The following SCN8A variants were observed in gnomAD, a reference collection of about 807,000 sequenced individuals.
The protein encoded by SCN8A is sodium channel protein type 8 subunit alpha.
In SCN8A, 30 loss-of-function variants were observed where a neutral mutation model predicts 184.1. That is an observed-to-expected ratio of 0.16 (90% CI 0.12 to 0.22). The LOEUF is 0.22. Among genes scored for constraint, SCN8A ranks in the 10% least tolerant of loss-of-function variants. The probability of loss-of-function intolerance (pLI) is 1.00; values close to 1 mark genes in which losing one functional copy is unlikely to be tolerated. For missense variants in SCN8A, 1,057 were observed against 2,498.9 expected (o/e 0.42, Z 12.30); for synonymous variants, 852 against 907.0 (o/e 0.94, Z 1.09).
intron 1 of SCN8A, among the ~76,000 whole-genome samples, chr12:51,612,225 G>A (rs974052625): frequency 1.3e-5 from 2 of 152,118 alleles, no homozygotes; most frequent in South Asian, 2.1e-4. Flanking sequence ...GTAGTGGCGC[G>A]AACGCAGCTC....
chr12:51,697,034 G>A (rs1324446093), intron 6 of SCN8A, among the ~76,000 whole-genome samples: 1 of 56,414 alleles, frequency 1.8e-5, no homozygotes, highest in Non-Finnish European at 3.2e-5. Context: ...GCGAGAATCC[G>A]ACTCAAAAAA....
intron 1 of SCN8A, among the ~76,000 whole-genome samples, chr12:51,626,470 A>G (rs921024319): frequency 5.3e-5 from 8 of 152,194 alleles, no homozygotes; most frequent in African/African-American, 1.4e-4. Flanking sequence ...TTGACTGCCA[A>G]CTTTGAAATG....
At chr12:51,739,905 G>A (rs383672) in intron 12 of SCN8A, among the ~76,000 whole-genome samples, 53,490 of 152,136 alleles carry the variant, frequency 0.35, 10,356 homozygotes, top group East Asian at 0.44. Context: ...AGATTTACCC[G>A]CGTATTTATT....
chr12:51,705,755 C>A, intron 10 of SCN8A, 132 bp downstream of exon 10: 2 of 787,146 alleles, frequency 2.5e-6, no homozygotes, highest in Non-Finnish European at 4.0e-6. Flanking sequence ...TGAAAATAAC[C>A]CAAGTAACAA....
intron 1 of SCN8A, among the ~76,000 whole-genome samples, chr12:51,627,303 A>G (rs1283368769): frequency 6.6e-6 from 1 of 152,238 alleles, no homozygotes; most frequent in Non-Finnish European, 1.5e-5. Context: ...GATAATAAAT[A>G]TCAGCCTTAA....
At chr12:51,772,866 C>T (rs1942949481) in intron 19 of SCN8A, among the ~76,000 whole-genome samples, 1 of 151,546 alleles carries the variant, frequency 6.6e-6, no homozygotes, top group Admixed American at 6.6e-5. Context: ...CCTGTAATCC[C>T]AGCACTTTGG....
At chr12:51,618,947 T>C (rs1939903962) in intron 1 of SCN8A, among the ~76,000 whole-genome samples, 1 of 152,182 alleles carries the variant, frequency 6.6e-6, no homozygotes, top group South Asian at 2.1e-4. Context: ...TAGCACCAGA[T>C]TGGAAAGCTG....
At chr12:51,733,367 C>T (rs1942274390) in intron 12 of SCN8A, among the ~76,000 whole-genome samples, 1 of 152,106 alleles carries the variant, frequency 6.6e-6, no homozygotes, top group South Asian at 2.1e-4. Context: ...GATTGATTTG[C>T]ATATGTTGAA....
At position 51,810,294 on chromosome 12, in the gene SCN8A, T is replaced by A. The variant is rs753036537; in HGVS notation, c.*2865T>A. 310 of 271,988 alleles carry A rather than the reference T, an allele frequency of 1.1e-3. 2 individuals are homozygous for A. Among genetic ancestry groups the A allele is most frequent in the Non-Finnish European group, 1.6e-3 (214 of 129,730 alleles). 16.8% of individuals were successfully genotyped at this position (271,988 alleles called of 1,614,324 possible). Reference sequence around the variant, plus strand: ...TCCCACCTTTTTATCCTTCACCCACTGTCCTTCCACCTGCTCACTCACTCA... The same window carrying A: ...TCCCACCTTTTTATCCTTCACCCACAGTCCTTCCACCTGCTCACTCACTCA... On this transcript the variant is annotated 3_prime_UTR_variant, in exon 27 of 27. Transcript: ENST00000627620.
At chr12:51,708,920 C>A (rs141614496) in intron 11 of SCN8A, among the ~76,000 whole-genome samples, 1 of 152,146 alleles carries the variant, frequency 6.6e-6, no homozygotes, top group East Asian at 1.9e-4. Flanking sequence ...TCATCCCTAC[C>A]CTAGAGAGCT....
chr12:51,747,312 T>C (rs1386214206), intron 13 of SCN8A, among the ~76,000 whole-genome samples: 1 of 152,236 alleles, frequency 6.6e-6, no homozygotes, highest in Admixed American at 6.5e-5. Context: ...TCCTGTTTTC[T>C]TTAATTACCA....
At chr12:51,795,481 A>G (rs1009320650) in intron 26 of SCN8A, among the ~76,000 whole-genome samples, 1 of 152,182 alleles carries the variant, frequency 6.6e-6, no homozygotes, top group Non-Finnish European at 1.5e-5. Flanking sequence ...GACCCATGGG[A>G]CCAGCCCCAG....
intron 2 of SCN8A, among the ~76,000 whole-genome samples, chr12:51,670,025 G>T (rs1941102969): frequency 6.6e-6 from 1 of 152,084 alleles, no homozygotes; most frequent in Non-Finnish European, 1.5e-5. Flanking sequence ...GGTTTATTTT[G>T]TTGTTAAAAA....
intron 2 of SCN8A, among the ~76,000 whole-genome samples, chr12:51,680,976 C>A (rs1265637510): frequency 6.6e-6 from 1 of 151,948 alleles, no homozygotes; most frequent in African/African-American, 2.4e-5. Flanking sequence ...TGCACTCCAA[C>A]CTGGGCAACA....
chr12:51,781,021 C>T (rs1592159503), intron 21 of SCN8A, among the ~76,000 whole-genome samples: 1 of 152,282 alleles, frequency 6.6e-6, no homozygotes, highest in East Asian at 1.9e-4. Flanking sequence ...TGGCTATTCT[C>T]ATTTGGCCTG....
intron 13 of SCN8A, among the ~76,000 whole-genome samples, chr12:51,751,062 AG>A (rs1942586910): frequency 2.0e-5 from 3 of 152,160 alleles, no homozygotes; most frequent in African/African-American, 7.2e-5. Context: ...CATTCAAGCC[AG>A]TTGAGGCCAG....
intron 1 of SCN8A, among the ~76,000 whole-genome samples, chr12:51,623,660 A>G (rs1940012449): frequency 6.6e-6 from 1 of 152,174 alleles, no homozygotes; most frequent in Admixed American, 6.5e-5. Context: ...CATGTGCACA[A>G]CGTGCAGGTT....
intron 12 of SCN8A, among the ~76,000 whole-genome samples, chr12:51,743,670 T>G (rs1942462595): frequency 6.6e-6 from 1 of 152,194 alleles, no homozygotes. Flanking sequence ...CTGTAACCAC[T>G]ACATGGCTGC....
At chr12:51,775,111 A>G (rs549507340) in intron 20 of SCN8A, among the ~76,000 whole-genome samples, 15 of 152,336 alleles carry the variant, frequency 9.8e-5, no homozygotes, top group African/African-American at 3.4e-4. Flanking sequence ...TCTATGTAAT[A>G]ACTAAAGCTT....
Sources: allele counts gnomAD v4.1 joint callset (sites outside exome capture counted in the v4.1 genomes callset), GRCh38; gene constraint gnomAD v4.1.1; transcripts MANE v1.5; gene names NCBI Gene and HGNC (gene_info 2026-07-23, HGNC 2026-07-21).